MYBPC1: variants seen among roughly 807,000 people sequenced by gnomAD.
MYBPC1 encodes the protein myosin binding protein C1.
A neutral mutation model predicts 147.1 loss-of-function variants in MYBPC1; 52 were observed. That is an observed-to-expected ratio of 0.35 (90% CI 0.28 to 0.45). MYBPC1 has a LOEUF of 0.45. Ranked by LOEUF, MYBPC1 falls within the 20% of genes least tolerant of loss-of-function variation. The pLI is 1.00. For missense variants in MYBPC1, 1,228 were observed against 1,440.3 expected, an observed-to-expected ratio of 0.85 and a Z score of 2.39; for synonymous variants, 477 against 475.9, an observed-to-expected ratio of 1.00 and a Z score of -0.03.
chr12:101,681,671 C>T (rs1352191952), intron 29 of MYBPC1, among the ~76,000 whole-genome samples: 3 of 121,704 alleles, frequency 2.5e-5, no homozygotes, highest in Non-Finnish European at 3.2e-5. Context: ...TGGAAGGGTG[C>T]GATCTCAGCT....
rs1467059039 is a variant in MYBPC1, at chr12:101,673,743, G to T, written c.2809+121G>T. 9.8e-6 allele frequency: 11 copies of T among 1,118,992 alleles called. No homozygotes were observed. In the South Asian group the frequency reaches 1.2e-4, roughly 12 times the overall value. 69.3% of individuals were successfully genotyped at this position (1,118,992 alleles called of 1,614,324 possible). On this transcript the variant is annotated intron_variant, in intron 25 of 31. Coordinates refer to ENST00000361466, the MANE Select transcript of MYBPC1 (RefSeq NM_002465.4). ...GGCTCTACATAAAACTCTTTTTTTA[G>T]ATTTATTTTTTAAAAATAGATAAAT...
At position 101,648,106 on chromosome 12, in the gene MYBPC1, G is replaced by A. The variant is rs1446254122; in HGVS notation, c.1152G>A (p.Val384=). The A allele has an allele frequency of 1.9e-6, 3 of 1,613,054 alleles. No individual in the cohort carries two copies. The highest frequency in any genetic ancestry group is 1.3e-5 in the African/African-American group (1 of 74,974). ...EDTTAYCGER[V]ELECEVSEDD... ...CAACTGCTTATTGTGGGGAGAGAGT[G>A]GAATTAGAATGTGAGGTGTCTGAAG... is the stretch of plus-strand genomic sequence containing the variant. The change falls in exon 14 of 32, where the codon GTG becomes GTA. Residue 384 remains valine, a synonymous_variant. Transcript: ENST00000361466.
chr12:101,596,938 G>A (rs578258611), intron 1 of MYBPC1, among the ~76,000 whole-genome samples: 2 of 152,166 alleles, frequency 1.3e-5, no homozygotes, highest in South Asian at 2.1e-4. Context: ...TTGGATGATG[G>A]GGATTGGGGC....
downstream of MYBPC1, among the ~76,000 whole-genome samples, chr12:101,688,346 G>C (rs192035852): frequency 8.0e-4 from 121 of 152,002 alleles, no homozygotes; most frequent in South Asian, 6.2e-4. Flanking sequence ...TTGAACCCGG[G>C]AGGTGGAGGT....
At chr12:101,626,970 G>T in intron 4 of MYBPC1, 60 bp downstream of exon 4, 1 of 1,499,898 alleles carries the variant, frequency 6.7e-7, no homozygotes, top group Non-Finnish European at 9.3e-7. Flanking sequence ...GACGGTAGAG[G>T]AAAAGAAAAG....
Position 101,670,429 on chromosome 12 carries a change from T to C in MYBPC1, c.2613+20T>C, listed in dbSNP as rs1328906005. 3.1e-6 allele frequency: 5 copies of C among 1,589,820 alleles called. No homozygotes were observed. The highest frequency in any genetic ancestry group is 3.5e-6 in the Non-Finnish European group (4 of 1,157,830). The stretch of plus-strand genomic sequence containing the variant: ...TTCCAGGTAAGAGTTCAAGGGTCGC[T>C]CTTTTTCTCTTTAGAGGGCTGGATT... On this transcript the variant is annotated intron_variant, in intron 24 of 31. Transcript: ENST00000361466.
chr12:101,643,109 A>G (rs1892402190), intron 11 of MYBPC1, among the ~76,000 whole-genome samples: 1 of 152,214 alleles, frequency 6.6e-6, no homozygotes, highest in African/African-American at 2.4e-5. Context: ...TACGCTGACC[A>G]TTAGCTCTTC....
chr12:101,688,793 T>C (rs764970802), downstream of MYBPC1, among the ~76,000 whole-genome samples: 1 of 151,626 alleles, frequency 6.6e-6, no homozygotes, highest in Non-Finnish European at 1.5e-5. Context: ...AAACCCCATC[T>C]CTACAAAAAA....
At chr12:101,606,730 T>G (rs529917893) in intron 1 of MYBPC1, among the ~76,000 whole-genome samples, 1 of 152,348 alleles carries the variant, frequency 6.6e-6, no homozygotes, top group East Asian at 1.9e-4. Context: ...GAATTAAACA[T>G]TGATTTTTGT....
chr12:101,634,382 T>G (rs1441269215), intron 8 of MYBPC1, among the ~76,000 whole-genome samples, 172 bp from the exon 9 acceptor site: 2 of 152,156 alleles, frequency 1.3e-5, no homozygotes, highest in Non-Finnish European at 1.5e-5. Flanking sequence ...TGGTTCTTCA[T>G]GAGGGAGGAG....
At position 101,654,220 on chromosome 12, in the gene MYBPC1, T is replaced by A. The variant is rs1036411426; in HGVS notation, c.1767+972T>A. On this transcript the variant is annotated intron_variant, in intron 18 of 31. Transcript: ENST00000361466. The stretch of plus-strand genomic sequence containing the variant: ...GACTCTATCTCAAAACAAATTTTTT[T>A]AATGTTAAAAATAAAATTAAATAAT... Among the ~76,000 whole-genome samples the A allele has an allele frequency of 2.6e-5, 4 of 152,212 alleles. No homozygotes were observed. The East Asian group carries it at 5.8e-4, about 22-fold the overall frequency.
intron 22 of MYBPC1, chr12:101,666,707 G>A (rs367798857): frequency 6.4e-7 from 1 of 1,552,806 alleles, no homozygotes; most frequent in East Asian, 2.2e-5. Context: ...TGTGAAAGTG[G>A]GTGTCTTTAA....
chr12:101,627,740 G>A, intron 4 of MYBPC1, 29 bp from the exon 5 acceptor site: 1 of 1,612,566 alleles, frequency 6.2e-7, no homozygotes, highest in Non-Finnish European at 8.5e-7. Context: ...CCACCCCTCT[G>A]CATCACCCAA....
chr12:101,606,848 T>A (rs908836486), intron 1 of MYBPC1, among the ~76,000 whole-genome samples: 2 of 152,046 alleles, frequency 1.3e-5, no homozygotes, highest in African/African-American at 2.4e-5. Flanking sequence ...TTTGTTTTGT[T>A]TTGTTTGAGT....
chr12:101,668,198 AC>A lies in MYBPC1; in HGVS notation c.2524+301del, dbSNP rs142998110. 1.4e-3 allele frequency among the ~76,000 whole-genome samples: 211 copies of A among 152,272 alleles called. 1 individual carries two copies. The highest frequency in any genetic ancestry group is 2.7e-3 in the Non-Finnish European group (182 of 68,026). ...AGTGGAGAGAGAGTATGTTCATACA[AC>A]CATGCAAACAATCCCTACGACAACC... On this transcript the variant is annotated intron_variant, in intron 23 of 31. Transcript: ENST00000361466.
At chr12:101,671,273 TTAGAATGTA>T (rs1474193235) in intron 24 of MYBPC1, among the ~76,000 whole-genome samples, 1 of 151,406 alleles carries the variant, frequency 6.6e-6, no homozygotes, top group Non-Finnish European at 1.5e-5. Flanking sequence ...CAGCCTGGCC[TTAGAATGTA>T]GGTCTCTACA....
intron 26 of MYBPC1, among the ~76,000 whole-genome samples, chr12:101,676,616 T>G (rs113497504): frequency 0.041 from 6,166 of 152,108 alleles, 194 homozygotes; most frequent in South Asian, 0.14. Context: ...CTGGGTGTGG[T>G]AGCACGTGCC....
chr12:101,679,532 A>G (rs1950796432), intron 28 of MYBPC1, among the ~76,000 whole-genome samples: 1 of 152,244 alleles, frequency 6.6e-6, no homozygotes, highest in South Asian at 2.1e-4. Flanking sequence ...TATTTACAAA[A>G]GAAAGGAGAA....
chr12:101,673,762 G>A, intron 25 of MYBPC1, 140 bp downstream of exon 25: 1 of 985,654 alleles, frequency 1.0e-6, no homozygotes, highest in Non-Finnish European at 1.5e-6. Context: ...TTTAAAAATA[G>A]ATAAATTAGG....
Sources: allele counts gnomAD v4.1 joint callset (sites outside exome capture counted in the v4.1 genomes callset), GRCh38; gene constraint gnomAD v4.1.1; transcripts MANE v1.5; gene names NCBI Gene and HGNC (gene_info 2026-07-23, HGNC 2026-07-21).